ROR1: variants seen among roughly 807,000 people sequenced by gnomAD.
ROR1 encodes the protein inactive tyrosine-protein kinase transmembrane receptor ROR1.
A neutral mutation model predicts 78.8 loss-of-function variants in ROR1; 19 were observed. The ratio of observed to expected loss-of-function variants is 0.24; its 90% CI spans 0.17 to 0.35. ROR1 has a LOEUF of 0.35. ROR1 is among the 10% of genes least tolerant of loss of function. The pLI is 1.00. For missense variants in ROR1, 917 were observed against 1,177.8 expected (o/e 0.78, Z 3.24); for synonymous variants, 386 against 433.6 (o/e 0.89, Z 1.36).
intron 1 of ROR1, among the ~76,000 whole-genome samples, chr1:63,833,242 G>A (rs1644999418): frequency 6.6e-6 from 1 of 152,130 alleles, no homozygotes; most frequent in Admixed American, 6.5e-5. Context: ...TTGGGGCAGG[G>A]ATCCCTAGTT....
Position 64,140,179 on chromosome 1 carries a change from G to A in ROR1, c.681G>A (p.Leu227=), listed in dbSNP as rs1167442968. The A allele has an allele frequency of 6.2e-7, 1 of 1,614,074 alleles. No individual in the cohort carries two copies. The highest frequency in any genetic ancestry group is 8.5e-7 in the Non-Finnish European group (1 of 1,180,012). ...GTTCTCAGTTCGCCATTCCTTCCCT[G>A]TGCCACTATGCCTTCCCGTACTGCG... ...DKCSQFAIPS[L]CHYAFPYCDE... Residue 227 remains leucine (L), a synonymous_variant, in exon 6 of 9, where the codon CTG becomes CTA. Transcript: ENST00000371079.
At chr1:64,051,455 TA>T (rs369511325) in intron 4 of ROR1, among the ~76,000 whole-genome samples, 3 of 39,194 alleles carry the variant, frequency 7.7e-5, no homozygotes, top group Non-Finnish European at 2.4e-4. Context: ...GTCTCAAAAA[TA>T]AAAAATAAAA....
intron 4 of ROR1, among the ~76,000 whole-genome samples, chr1:64,125,813 C>T (rs1157813864): frequency 1.3e-5 from 2 of 152,108 alleles, no homozygotes; most frequent in African/African-American, 4.8e-5. Context: ...GTCTGTGTAG[C>T]CATAGCAGAG....
At chr1:64,157,072 T>G (rs1167212399) in intron 7 of ROR1, among the ~76,000 whole-genome samples, 1 of 152,178 alleles carries the variant, frequency 6.6e-6, no homozygotes, top group African/African-American at 2.4e-5. Context: ...AAGCACCTGG[T>G]CCATAGTAAT....
chr1:63,894,952 CA>C (rs1645428015), intron 1 of ROR1, among the ~76,000 whole-genome samples: 1 of 152,150 alleles, frequency 6.6e-6, no homozygotes, highest in Non-Finnish European at 1.5e-5. Flanking sequence ...TCCTACAGCA[CA>C]TGTTTTCTCT....
intron 1 of ROR1, among the ~76,000 whole-genome samples, chr1:63,804,477 G>C (rs1022478966): frequency 6.6e-5 from 10 of 152,284 alleles, no homozygotes; most frequent in African/African-American, 2.2e-4. Context: ...TTAAATAAAA[G>C]CCTGGTGCTT....
intron 1 of ROR1, among the ~76,000 whole-genome samples, chr1:63,794,136 G>A (rs964196184): frequency 6.6e-6 from 1 of 152,208 alleles, no homozygotes; most frequent in Non-Finnish European, 1.5e-5. Flanking sequence ...AAGCTAATGT[G>A]ACCAAAGTCA....
intron 1 of ROR1, among the ~76,000 whole-genome samples, chr1:63,914,945 A>G (rs1337423208): frequency 6.6e-6 from 1 of 152,162 alleles, no homozygotes; most frequent in Admixed American, 6.5e-5. Flanking sequence ...TCACTGGCAC[A>G]GGATCATACA....
At chr1:64,061,402 T>A (rs1286235626) in intron 4 of ROR1, among the ~76,000 whole-genome samples, 5 of 152,154 alleles carry the variant, frequency 3.3e-5, no homozygotes. Context: ...CCAGAACAAG[T>A]GGTGCTCAAG....
chr1:63,925,484 G>A (rs1645694624), intron 1 of ROR1, among the ~76,000 whole-genome samples: 1 of 152,098 alleles, frequency 6.6e-6, no homozygotes, highest in Admixed American at 6.5e-5. Flanking sequence ...ACGTGTGCAT[G>A]TGTCTTTATA....
intron 2 of ROR1, among the ~76,000 whole-genome samples, chr1:64,011,063 C>A (rs2100545026): frequency 6.6e-6 from 1 of 152,278 alleles, no homozygotes; most frequent in Middle Eastern, 3.4e-3. Context: ...TATAAAACAG[C>A]AATGGGTGAA....
chr1:63,789,526 A>G (rs1377864644), intron 1 of ROR1, among the ~76,000 whole-genome samples: 1 of 152,128 alleles, frequency 6.6e-6, no homozygotes, highest in Non-Finnish European at 1.5e-5. Flanking sequence ...GACTTATGGT[A>G]TCTAGAAGGA....
At chr1:63,892,005 C>CT (rs1645400757) in intron 1 of ROR1, among the ~76,000 whole-genome samples, 1 of 152,130 alleles carries the variant, frequency 6.6e-6, no homozygotes, top group Non-Finnish European at 1.5e-5. Context: ...CTGGAGAACT[C>CT]TAATTCAGCA....
intron 1 of ROR1, among the ~76,000 whole-genome samples, chr1:63,982,683 T>C (rs1646219541): frequency 6.6e-6 from 1 of 152,174 alleles, no homozygotes; most frequent in South Asian, 2.1e-4. Context: ...GTTTAAGATA[T>C]ATGCTTTCAA....
At chr1:63,907,300 C>G (rs575464365) in intron 1 of ROR1, among the ~76,000 whole-genome samples, 34 of 152,082 alleles carry the variant, frequency 2.2e-4, no homozygotes, top group Non-Finnish European at 4.6e-4. Context: ...CTTGGGCGGC[C>G]GGCTGGTGAT....
intron 1 of ROR1, among the ~76,000 whole-genome samples, chr1:63,959,228 T>C (rs1444970724): frequency 6.6e-6 from 1 of 152,164 alleles, no homozygotes; most frequent in Non-Finnish European, 1.5e-5. Context: ...ACTCACTCAC[T>C]GTCATGAGAA....
chr1:64,165,474 G>A (rs762812142), intron 8 of ROR1, among the ~76,000 whole-genome samples: 14 of 151,806 alleles, frequency 9.2e-5, no homozygotes, highest in Non-Finnish European at 1.9e-4. Context: ...GACTTTCACC[G>A]GATGCATAGT....
intron 7 of ROR1, among the ~76,000 whole-genome samples, chr1:64,150,514 T>G (rs1423008219): frequency 6.6e-6 from 1 of 152,214 alleles, no homozygotes; most frequent in Non-Finnish European, 1.5e-5. Flanking sequence ...ACACTGCCAT[T>G]TTTAACTTGC....
rs543956530 is a variant in ROR1, at chr1:63,812,514, A to G, written c.91+38006A>G. On this transcript the variant is annotated intron_variant, in intron 1 of 8. Transcript: ENST00000371079. ...AAGGTAGTCAGTAAGTTTTGACTGA[A>G]TGAATGAATGAATGAATGGATGAAT... Among the ~76,000 whole-genome samples the G allele has an allele frequency of 2.6e-5, 4 of 151,986 alleles. No homozygotes were observed. The South Asian group carries it at 8.3e-4, about 32-fold the overall frequency.
Sources: gnomAD v4.1 joint callset for allele counts (sites outside exome capture counted in the v4.1 genomes callset) on GRCh38, gnomAD v4.1.1 for gene constraint, MANE v1.5 for transcripts, NCBI Gene and HGNC (gene_info 2026-07-23, HGNC 2026-07-21) for gene names.